RAPGEF4: variants seen among roughly 807,000 people sequenced by gnomAD.
RAPGEF4 encodes the protein Rap guanine nucleotide exchange factor 4, also known as RAP guanine-nucleotide-exchange factor (GEF) 4.
A neutral mutation model predicts 147.9 loss-of-function variants in RAPGEF4; 66 were observed. The observed-to-expected ratio is 0.45, with a 90% confidence interval of 0.37 to 0.55. The LOEUF is 0.55. RAPGEF4 is among the 20% of genes least tolerant of loss of function. The probability of loss-of-function intolerance (pLI) is 0.00; values close to 1 mark genes in which losing one functional copy is unlikely to be tolerated. For synonymous variants in RAPGEF4, 419 were observed against 442.7 expected, an observed-to-expected ratio of 0.95 and a Z score of 0.67; for missense variants, 1,071 against 1,257.3, an observed-to-expected ratio of 0.85 and a Z score of 2.24.
intron 4 of RAPGEF4, among the ~76,000 whole-genome samples, chr2:172,889,620 TG>T (rs1482762712): frequency 6.6e-6 from 1 of 151,530 alleles, no homozygotes; most frequent in Non-Finnish European, 1.5e-5. Context: ...CAAATATATA[TG>T]TATATATATG....
Position 173,044,267 on chromosome 2 carries a change from C to A in RAPGEF4, c.2854-4333C>A, listed in dbSNP as rs183736889. Among the ~76,000 whole-genome samples the A allele has an allele frequency of 2.4e-4, 26 of 106,200 alleles. No individual in the cohort carries two copies. The South Asian group carries it at 7.7e-3, about 31-fold the overall frequency. 69.7% of individuals were successfully genotyped at this position (106,200 alleles called of 152,430 possible). A position where few individuals can be genotyped will look rare whatever the true frequency, so the allele number is the denominator to read the frequency against. ...TGGCATTTGTAAACTGTCATGGCGC[C>A]GGGGGGCGGGAGGGGGGGTGAGTAT... On this transcript the variant is annotated intron_variant, in intron 29 of 30. Transcript: ENST00000397081.
At chr2:172,973,994 C>G (rs1690796076) in intron 10 of RAPGEF4, among the ~76,000 whole-genome samples, 1 of 152,144 alleles carries the variant, frequency 6.6e-6, no homozygotes, top group African/African-American at 2.4e-5. Flanking sequence ...TCAATAATAC[C>G]TGCTTGCCCT....
At chr2:172,892,387 C>T (rs1698021240) in intron 4 of RAPGEF4, among the ~76,000 whole-genome samples, 1 of 152,234 alleles carries the variant, frequency 6.6e-6, no homozygotes, top group African/African-American at 2.4e-5. Context: ...CCCTGGCCAA[C>T]CTTCCATTTC....
At chr2:172,876,156 G>A (rs368810629) in intron 4 of RAPGEF4, among the ~76,000 whole-genome samples, 5 of 152,108 alleles carry the variant, frequency 3.3e-5, no homozygotes, top group African/African-American at 9.7e-5. Flanking sequence ...GGGCTGAGAC[G>A]ATGGGGTTTT....
At chr2:172,976,010 G>A (rs1338386574) in intron 10 of RAPGEF4, among the ~76,000 whole-genome samples, 1 of 152,188 alleles carries the variant, frequency 6.6e-6, no homozygotes, top group Non-Finnish European at 1.5e-5. Flanking sequence ...ATGAATTATG[G>A]AACCCTTATC....
At chr2:173,016,948 T>A (rs1695561001) in intron 19 of RAPGEF4, among the ~76,000 whole-genome samples, 1 of 152,216 alleles carries the variant, frequency 6.6e-6, no homozygotes, top group South Asian at 2.1e-4. Flanking sequence ...AATCCTGGCT[T>A]TGAACATCGG....
chr2:172,860,461 C>G (rs1693900426), intron 4 of RAPGEF4, among the ~76,000 whole-genome samples: 1 of 151,700 alleles, frequency 6.6e-6, no homozygotes, highest in Non-Finnish European at 1.5e-5. Flanking sequence ...AAGTTCTTAA[C>G]AGAGAACAGT....
At chr2:172,816,669 C>T (rs754137064) in intron 4 of RAPGEF4, among the ~76,000 whole-genome samples, 3 of 152,168 alleles carry the variant, frequency 2.0e-5, no homozygotes, top group Non-Finnish European at 4.4e-5. Flanking sequence ...ACATGTTTTG[C>T]AGTTCAGTGG....
intron 4 of RAPGEF4, among the ~76,000 whole-genome samples, chr2:172,882,998 C>T (rs1696790705): frequency 1.3e-5 from 2 of 151,948 alleles, no homozygotes; most frequent in South Asian, 2.1e-4. Flanking sequence ...TCCAATTATC[C>T]ACTGATTTGG....
intron 4 of RAPGEF4, among the ~76,000 whole-genome samples, chr2:172,845,479 A>G (rs1249219135): frequency 6.6e-6 from 1 of 152,098 alleles, no homozygotes; most frequent in Admixed American, 6.5e-5. Context: ...TTGCCAACCA[A>G]GGGGAAGGTG....
intron 17 of RAPGEF4, among the ~76,000 whole-genome samples, chr2:173,013,893 G>T (rs1695260557): frequency 6.6e-6 from 1 of 152,152 alleles, no homozygotes; most frequent in South Asian, 2.1e-4. Context: ...CAGAGAATTG[G>T]TACAGCAGGA....
At chr2:172,988,418 G>A in intron 13 of RAPGEF4, 146 bp downstream of exon 13, 1 of 1,384,986 alleles carries the variant, frequency 7.2e-7, no homozygotes, top group South Asian at 1.6e-5. Context: ...TTAATCATAA[G>A]TTACCTCAGT....
At chr2:172,970,880 G>C (rs557859408) in intron 10 of RAPGEF4, among the ~76,000 whole-genome samples, 1 of 152,274 alleles carries the variant, frequency 6.6e-6, no homozygotes, top group East Asian at 1.9e-4. Context: ...CACAATGCCC[G>C]TCCTGGTTTC....
At chr2:172,797,432 C>T in intron 2 of RAPGEF4, 93 bp from the exon 3 acceptor site, 1 of 992,336 alleles carries the variant, frequency 1.0e-6, no homozygotes, top group Non-Finnish European at 1.5e-6. Flanking sequence ...TCAGTTAGGT[C>T]CAAGACATGC....
intron 6 of RAPGEF4, among the ~76,000 whole-genome samples, chr2:172,949,065 A>G (rs1373596363): frequency 6.6e-6 from 1 of 152,226 alleles, no homozygotes; most frequent in Middle Eastern, 3.2e-3. Flanking sequence ...CAAAAGTAAA[A>G]TAGTTCACAA....
intron 29 of RAPGEF4, among the ~76,000 whole-genome samples, chr2:173,040,713 A>G (rs1278911072): frequency 6.6e-6 from 1 of 152,230 alleles, no homozygotes; most frequent in African/African-American, 2.4e-5. Context: ...TAAGGATTAG[A>G]GAATTTGTTG....
chr2:172,784,119 C>G (rs1256012887), intron 1 of RAPGEF4, among the ~76,000 whole-genome samples: 1 of 152,190 alleles, frequency 6.6e-6, no homozygotes, highest in Non-Finnish European at 1.5e-5. Flanking sequence ...ATCTCTGTAT[C>G]TCTCTTACCC....
chr2:172,767,837 T>G (rs558320130), intron 1 of RAPGEF4, among the ~76,000 whole-genome samples: 7 of 151,958 alleles, frequency 4.6e-5, no homozygotes, highest in African/African-American at 1.7e-4. Flanking sequence ...GATTCATGGT[T>G]TTTTTGTTTG....
intron 17 of RAPGEF4, among the ~76,000 whole-genome samples, chr2:173,007,640 A>G (rs1374003561): frequency 1.3e-5 from 2 of 152,242 alleles, no homozygotes; most frequent in African/African-American, 4.8e-5. Flanking sequence ...CTGATGAGGA[A>G]ACCAAGGCTC....
Sources: allele counts gnomAD v4.1 joint callset (sites outside exome capture counted in the v4.1 genomes callset), GRCh38; gene constraint gnomAD v4.1.1; transcripts MANE v1.5; gene names NCBI Gene and HGNC (gene_info 2026-07-23, HGNC 2026-07-21).